Variants in SNRPB2 observed in about 807,000 individuals in gnomAD.
SNRPB2 encodes small nuclear ribonucleoprotein polypeptide B2, also known as U2 small nuclear ribonucleoprotein B''.
In SNRPB2, 16 loss-of-function variants were observed where a neutral mutation model predicts 26.3. The observed-to-expected ratio is 0.61, with a 90% CI of 0.41 to 0.92. The LOEUF (loss-of-function observed/expected upper bound fraction) is 0.92. Ranked by LOEUF, SNRPB2 falls within the 40% of genes least tolerant of loss-of-function variation. The pLI is 0.00. For missense variants in SNRPB2, 179 were observed against 268.1 expected (o/e 0.67, Z 2.32); for synonymous variants, 75 against 89.0 (o/e 0.84, Z 0.88).
chr20:16,736,045 C>T (rs1261642299), intron 3 of SNRPB2, among the ~76,000 whole-genome samples: 4 of 152,156 alleles, frequency 2.6e-5, no homozygotes, highest in African/African-American at 7.2e-5. Context: ...TTTAAACACA[C>T]GTGCTTATAG....
At chr20:16,730,625 C>G (rs967685627) in intron 1 of SNRPB2, 1 of 152,256 alleles carries the variant, frequency 6.6e-6, no homozygotes, top group African/African-American at 2.4e-5. Context: ...TTACGTTTTA[C>G]CTGTTACCTG....
At chr20:16,731,644 T>G in intron 1 of SNRPB2, 24 bp from the exon 2 acceptor site, 1 of 1,599,648 alleles carries the variant, frequency 6.3e-7, no homozygotes, top group Non-Finnish European at 8.5e-7. Flanking sequence ...TCCAGTATAA[T>G]TTACTCCTTC....
At chr20:16,736,673 C>G (rs2072428234) in intron 3 of SNRPB2, among the ~76,000 whole-genome samples, 1 of 152,090 alleles carries the variant, frequency 6.6e-6, no homozygotes, top group Non-Finnish European at 1.5e-5. Context: ...TTCACCAGCT[C>G]CCTCAAATTG....
chr20:16,739,743 C>T (rs2072451173), intron 5 of SNRPB2, among the ~76,000 whole-genome samples: 1 of 152,054 alleles, frequency 6.6e-6, no homozygotes, highest in Admixed American at 6.6e-5. Context: ...TTCCCCATAA[C>T]CTCTGGGTGG....
At chr20:16,731,862 C>T in intron 2 of SNRPB2, 96 bp downstream of exon 2, 1 of 1,543,958 alleles carries the variant, frequency 6.5e-7, no homozygotes, top group Non-Finnish European at 8.7e-7. Flanking sequence ...ACCTCATCAT[C>T]TTAGTGCCTG....
intron 3 of SNRPB2, among the ~76,000 whole-genome samples, chr20:16,736,735 G>A (rs17759239): frequency 0.48 from 73,103 of 152,040 alleles, 19,527 homozygotes; most frequent in African/African-American, 0.73. Flanking sequence ...GTTTGGAGAG[G>A]AAAGGGCATT....
chr20:16,731,624 T>C, intron 1 of SNRPB2, 44 bp from the exon 2 acceptor site: 1 of 1,557,542 alleles, frequency 6.4e-7, no homozygotes, highest in Non-Finnish European at 8.7e-7. Flanking sequence ...GTTGTGTCCT[T>C]ATGCCACAGT....
chr20:16,735,175 T>G (rs1211674669), intron 3 of SNRPB2, among the ~76,000 whole-genome samples: 1 of 152,166 alleles, frequency 6.6e-6, no homozygotes, highest in Non-Finnish European at 1.5e-5. Context: ...AGAACTGATC[T>G]TGGTTTTGAC....
chr20:16,731,621 C>T, intron 1 of SNRPB2, 47 bp from the exon 2 acceptor site: 1 of 1,549,214 alleles, frequency 6.5e-7, no homozygotes, highest in East Asian at 2.3e-5. Flanking sequence ...TGTGTTGTGT[C>T]CTTATGCCAC....
At chr20:16,733,318 G>A (rs118096152) in intron 3 of SNRPB2, among the ~76,000 whole-genome samples, 12 of 152,256 alleles carry the variant, frequency 7.9e-5, no homozygotes, top group East Asian at 1.9e-4. Flanking sequence ...ATGTACTTAC[G>A]TTTTTTAACA....
chr20:16,740,306 CCTT>C lies in SNRPB2; in HGVS notation c.430-18_430-16del. 1 of 1,607,776 alleles carries C rather than the reference CCTT, an allele frequency of 6.2e-7. No homozygotes were observed. The highest frequency in any genetic ancestry group is 2.2e-5 in the East Asian group (1 of 44,714). On this transcript the variant is annotated splice_polypyrimidine_tract_variant and intron_variant, in intron 5 of 6. Transcript: ENST00000246071. ...TGTTTAAACTTACAAGCTAACTTTG[CCTT>C]TTTACTTTTTAATAGGTCCCTGATT... is the stretch of plus-strand genomic sequence containing the variant.
intron 4 of SNRPB2, 80 bp from the exon 5 acceptor site, chr20:16,738,772 T>A (rs1284466449): frequency 1.3e-6 from 1 of 764,904 alleles, no homozygotes; most frequent in Non-Finnish European, 2.3e-6. Flanking sequence ...TTATTTTTAA[T>A]GCAGTAATTA....
At position 16,737,413 on chromosome 20, in the gene SNRPB2, CA is replaced by C; in HGVS notation, c.378+14del. The C allele has an allele frequency of 1.9e-6, 3 of 1,571,200 alleles. No individual in the cohort carries two copies. In the South Asian group the frequency reaches 3.6e-5, roughly 19 times the overall value. On this transcript the variant is annotated intron_variant, in intron 4 of 6. Coordinates refer to ENST00000246071, the MANE Select transcript of SNRPB2 (RefSeq NM_003092.5). Reference sequence around the variant, plus strand: ...AAAAGCCTGGCCAGGTAAGAAAGACCAAGAAAGTTCCTGTTTGTATTGGTGT... The same window carrying C: ...AAAAGCCTGGCCAGGTAAGAAAGACCAGAAAGTTCCTGTTTGTATTGGTGT...
chr20:16,730,264 C>T (rs969463494), intron 1 of SNRPB2, 100 bp downstream of exon 1: 3 of 152,624 alleles, frequency 2.0e-5, no homozygotes, highest in African/African-American at 7.2e-5. Context: ...CTCCCTTGGA[C>T]TTCGTTAGGG....
chr20:16,732,110 G>A (rs1391900898), intron 2 of SNRPB2, 54 bp from the exon 3 acceptor site: 1 of 1,083,126 alleles, frequency 9.2e-7, no homozygotes, highest in Middle Eastern at 2.8e-4. Flanking sequence ...ATTTTATGAA[G>A]ACTTTTGTCA....
Position 16,741,098 on chromosome 20 carries a change from G to A in SNRPB2, c.*93G>A, listed in dbSNP as rs2072459982. 1.1e-6 allele frequency: 1 copy of A among 931,290 alleles called. No homozygotes were observed. The highest frequency in any genetic ancestry group is 2.6e-5 in the East Asian group (1 of 38,516). 57.7% of individuals were successfully genotyped at this position (931,290 alleles called of 1,614,324 possible). On this transcript the variant is annotated 3_prime_UTR_variant, in exon 7 of 7. Transcript: ENST00000246071. The stretch of plus-strand genomic sequence containing the variant: ...GGGTCATTTTAATAGTTAGAGATGA[G>A]GAGGAGTAAAAGTGAAATTTTTGTG...
intron 4 of SNRPB2, among the ~76,000 whole-genome samples, chr20:16,738,085 A>C (rs915032839): frequency 1.8e-4 from 28 of 151,860 alleles, no homozygotes; most frequent in African/African-American, 6.3e-4. Context: ...AACAAAAAAA[A>C]CAGTGTCTTT....
chr20:16,738,815 A>G, intron 4 of SNRPB2, 37 bp from the exon 5 acceptor site: 2 of 1,234,030 alleles, frequency 1.6e-6, no homozygotes, highest in Non-Finnish European at 2.4e-6. Flanking sequence ...TTTTGGAGGG[A>G]TTGGATATTT....
intron 6 of SNRPB2, 62 bp downstream of exon 6, chr20:16,740,475 CGT>C: frequency 6.3e-7 from 1 of 1,589,974 alleles, no homozygotes; most frequent in Non-Finnish European, 8.5e-7. Context: ...GTAGTACTTC[CGT>C]GGGTTGAATC....
Sources: allele counts gnomAD v4.1 joint callset (sites outside exome capture counted in the v4.1 genomes callset), GRCh38; gene constraint gnomAD v4.1.1; transcripts MANE v1.5; gene names NCBI Gene and HGNC (gene_info 2026-07-23, HGNC 2026-07-21).